The following PDE4DIP variants were observed in gnomAD, a reference collection of about 807,000 sequenced individuals.
The protein encoded by PDE4DIP is myomegalin.
In PDE4DIP, 59 loss-of-function variants were observed where a neutral mutation model predicts 221.4. The ratio of observed to expected loss-of-function variants is 0.27; its 90% CI spans 0.22 to 0.33. The LOEUF is 0.33. PDE4DIP is among the 10% of genes least tolerant of loss of function. The pLI is 1.00. For missense variants in PDE4DIP, 1,036 were observed against 2,154.2 expected (o/e 0.48, Z 10.28); for synonymous variants, 404 against 815.9 (o/e 0.50, Z 8.60).
chr1:149,001,850 A>G (rs782359662), exon 24 of PDE4DIP: 1 of 1,612,560 alleles, frequency 6.2e-7, no homozygotes, highest in South Asian at 1.1e-5. Flanking sequence ...AGGGAATAGT[A>G]AACTTACTCC....
At position 148,923,758 on chromosome 1, in the gene PDE4DIP, C is replaced by G. The variant is rs181903740; in HGVS notation, c.142-5439C>G. ...AAAGTTCTGGGATTACAGGCGTGAG[C>G]CACCGCGCCCGAGCTGCGGTTATTT... is the stretch of plus-strand genomic sequence containing the variant. On this transcript the variant is annotated intron_variant, in intron 1 of 43. Transcript: ENST00000369354. 4.3e-4 allele frequency among the ~76,000 whole-genome samples: 63 copies of G among 146,312 alleles called. No homozygotes were observed. In the East Asian group the frequency reaches 0.011, roughly 25 times the overall value.
chr1:148,985,909 G>T (rs1263653212), intron 21 of PDE4DIP: 1 of 152,150 alleles, frequency 6.6e-6, no homozygotes, highest in Non-Finnish European at 1.5e-5. Flanking sequence ...TATATAACAT[G>T]AATATGTAGT....
intron 14 of PDE4DIP, 128 bp downstream of exon 17, chr1:148,969,158 C>T (rs1330917465): frequency 1.8e-6 from 1 of 556,588 alleles, no homozygotes; most frequent in African/African-American, 1.9e-5. Flanking sequence ...TAGTTTCTTT[C>T]CTTCTATTTA....
rs4997147 is a variant in PDE4DIP, at chr1:149,030,198, G to T, written c.6953-34G>T. 1.2e-5 allele frequency: 17 copies of T among 1,381,632 alleles called. No individual in the cohort carries two copies. The East Asian group carries it at 4.3e-4, about 35-fold the overall frequency. The allele number at this position is 1,381,632 out of a possible 1,614,324, so 85.6% of individuals were successfully genotyped here. On this transcript the variant is annotated intron_variant, in intron 42 of 43. Transcript: ENST00000369354. ...CAAGTAGGGTTAATTTCTGCTGGTG[G>T]TTTCTACTCTGTGGTGCTCTTTTGT...
Position 148,969,077 on chromosome 1 carries a change from T to A in PDE4DIP, c.1980+47T>A, listed in dbSNP as rs377388236. On this transcript the variant is annotated intron_variant, in intron 14 of 43. Coordinates refer to ENST00000369354, the Ensembl canonical transcript of PDE4DIP. Reference sequence around the variant, plus strand: ...AGACAAGTGTCATGTAGTGCATTTATAGTCTGCAAATAGGAAGCATTTGCA... The same window carrying A: ...AGACAAGTGTCATGTAGTGCATTTAAAGTCTGCAAATAGGAAGCATTTGCA... 2.0e-6 allele frequency: 3 copies of A among 1,487,030 alleles called. No individual in the cohort carries two copies. In the South Asian group the frequency reaches 3.5e-5, roughly 17 times the overall value. The allele number at this position is 1,487,030 out of a possible 1,614,324, so 92.1% of individuals were successfully genotyped here. A position where few individuals can be genotyped will look rare whatever the true frequency, so the allele number is the denominator to read the frequency against.
rs782278143 is a variant in PDE4DIP, at chr1:148,869,643, C to G, written c.441+1021C>G. On this transcript the variant is annotated intron_variant, in intron 3 of 45. Transcript: ENST00000524974. Reference sequence around the variant, plus strand: ...CCTTAGATTTGACCAAAAACAATAACTGATAATGTAATACAGATTCCCCAG... The same window carrying G: ...CCTTAGATTTGACCAAAAACAATAAGTGATAATGTAATACAGATTCCCCAG... Among the ~76,000 whole-genome samples, 261 of 40,586 alleles carry G rather than the reference C, an allele frequency of 6.4e-3. 1 individual carries two copies. Among genetic ancestry groups the G allele is most frequent in the South Asian group, 0.012 (9 of 764 alleles). 26.6% of individuals were successfully genotyped at this position (40,586 alleles called of 152,430 possible). A position where few individuals can be genotyped will look rare whatever the true frequency, so the allele number is the denominator to read the frequency against.
chr1:149,027,034 TG>T (rs2075375229), intron 39 of PDE4DIP, among the ~76,000 whole-genome samples: 1 of 152,036 alleles, frequency 6.6e-6, no homozygotes, highest in South Asian at 2.1e-4. Context: ...CTGCTGTTTT[TG>T]CTTCATTGCA....
chr1:149,029,795 A>G (rs782317278), exon 42 of PDE4DIP: 49 of 1,556,434 alleles, frequency 3.1e-5, no homozygotes, highest in Non-Finnish European at 3.8e-5. Context: ...AGGGAGAATC[A>G]ACAGAAAGGG....
intron 1 of PDE4DIP, among the ~76,000 whole-genome samples, chr1:148,821,041 CG>C (rs1371579406): frequency 6.7e-6 from 1 of 150,078 alleles, no homozygotes; most frequent in African/African-American, 2.5e-5. Flanking sequence ...TCAGTAGAGA[CG>C]GGGTTTCACC....
At chr1:148,954,775 G>T (rs1257917051) in intron 5 of PDE4DIP, among the ~76,000 whole-genome samples, 1 of 151,878 alleles carries the variant, frequency 6.6e-6, no homozygotes. Context: ...TATAGCAACA[G>T]TAAATGCTAG....
At chr1:149,010,448 A>G (rs782227052) in exon 31 of PDE4DIP, 1 of 1,613,408 alleles carries the variant, frequency 6.2e-7, no homozygotes, top group Non-Finnish European at 8.5e-7. Flanking sequence ...TATAGATTCC[A>G]TCCATCATTC....
exon 44 of PDE4DIP, chr1:149,032,368 A>G: frequency 1.9e-6 from 1 of 522,140 alleles, no homozygotes; most frequent in Non-Finnish European, 3.5e-6. Flanking sequence ...CAGTGAATAT[A>G]GGACCCTGAT....
At chr1:148,917,376 T>G (rs1415979082) in intron 1 of PDE4DIP, among the ~76,000 whole-genome samples, 1 of 143,662 alleles carries the variant, frequency 7.0e-6, no homozygotes, top group East Asian at 2.0e-4. Context: ...ATTTTTCTTT[T>G]TGTTTAAAAA....
intron 1 of PDE4DIP, among the ~76,000 whole-genome samples, chr1:148,905,178 GTTTTT>G (rs56687289): frequency 2.1e-4 from 20 of 94,500 alleles, no homozygotes; most frequent in South Asian, 1.2e-3. Flanking sequence ...TCTCTTCTAG[GTTTTT>G]TTTTTTTTTT....
intron 1 of PDE4DIP, among the ~76,000 whole-genome samples, chr1:148,829,094 T>TCCACCTTTTCTCC (rs1671382153): frequency 6.8e-6 from 1 of 148,042 alleles, no homozygotes; most frequent in African/African-American, 2.5e-5. Flanking sequence ...GGGGGAAATG[T>TCCACCTTTTCTCC]CCACCTTTTC....
chr1:148,954,392 G>C (rs2054596947), intron 5 of PDE4DIP, among the ~76,000 whole-genome samples: 1 of 151,990 alleles, frequency 6.6e-6, no homozygotes, highest in Non-Finnish European at 1.5e-5. Context: ...TAAATGATTA[G>C]AGCATAAGGT....
intron 1 of PDE4DIP, among the ~76,000 whole-genome samples, chr1:148,917,352 C>T (rs2044326409): frequency 7.1e-6 from 1 of 140,650 alleles, no homozygotes; most frequent in Non-Finnish European, 1.5e-5. Context: ...AAGCAGAACA[C>T]CTCATTTTCC....
chr1:149,020,820 G>A (rs1284607726), intron 36 of PDE4DIP: 1 of 556,262 alleles, frequency 1.8e-6, no homozygotes, highest in Non-Finnish European at 3.2e-6. Context: ...TTCAAGCAAA[G>A]TTACTTGACC....
intron 5 of PDE4DIP, among the ~76,000 whole-genome samples, chr1:148,951,404 TC>T (rs2053191401): frequency 6.6e-6 from 1 of 151,132 alleles, no homozygotes; most frequent in Non-Finnish European, 1.5e-5. Context: ...TTGTGTGCAA[TC>T]TAAGTTTTGG....
Sources: allele counts gnomAD v4.1 joint callset (sites outside exome capture counted in the v4.1 genomes callset), GRCh38; gene constraint gnomAD v4.1.1; transcripts MANE v1.5; gene names NCBI Gene and HGNC (gene_info 2026-07-23, HGNC 2026-07-21).